The following TTC19 variants were observed in gnomAD, a reference collection of about 807,000 sequenced individuals.
TTC19 encodes tetratricopeptide repeat protein 19, mitochondrial.
Under a neutral mutation model 49.5 loss-of-function variants are expected in TTC19, and 38 were observed. The ratio of observed to expected loss-of-function variants is 0.77; its 90% CI spans 0.59 to 1.01. The LOEUF (loss-of-function observed/expected upper bound fraction) is 1.01. TTC19 is among the 50% of genes least tolerant of loss of function. The probability of loss-of-function intolerance (pLI) is 0.00; values close to 1 mark genes in which losing one functional copy is unlikely to be tolerated. For missense variants in TTC19, 475 were observed against 477.7 expected (o/e 0.99, Z 0.05); for synonymous variants, 204 against 185.2 (o/e 1.10, Z -0.83).
intron 7 of TTC19, among the ~76,000 whole-genome samples, chr17:16,008,619 C>T (rs73978594): frequency 0.047 from 7,085 of 152,218 alleles, 181 homozygotes; most frequent in African/African-American, 0.08. Context: ...CCTGGGCCCA[C>T]CCACCTCTTC....
At chr17:16,043,441 A>C (rs2058098702) in intron 2 of TTC19, among the ~76,000 whole-genome samples, 1 of 152,232 alleles carries the variant, frequency 6.6e-6, no homozygotes, top group South Asian at 2.1e-4. Context: ...CAATTCTGTT[A>C]GTACTTCCCT....
At chr17:16,024,888 T>TCA in intron 7 of TTC19, 129 bp from the exon 8 acceptor site, 1 of 841,208 alleles carries the variant, frequency 1.2e-6, no homozygotes, top group Non-Finnish European at 2.0e-6. Context: ...CTGGAATAGG[T>TCA]CATTTAACTG....
Position 15,999,927 on chromosome 17 carries a change from C to T in TTC19, c.79C>T (p.Arg27Cys), listed in dbSNP as rs1208349039. 8 of 1,342,054 alleles carry T rather than the reference C, an allele frequency of 6.0e-6. No homozygotes were observed. In the African/African-American group the frequency reaches 6.2e-5, roughly 10 times the overall value. 83.1% of individuals were successfully genotyped at this position (1,342,054 alleles called of 1,614,324 possible). A position where few individuals can be genotyped will look rare whatever the true frequency, so the allele number is the denominator to read the frequency against. The change falls in exon 1 of 10, where the codon CGC becomes TGC. Residue 27 changes from arginine to cysteine, a missense_variant. Transcript: ENST00000261647. ...GCGGCGGTGCCGGGGCTGCTCCGCG[C>T]GCCTGCTCCCGGGGCTGGCAGGAGG... ...AGRRCRGCSA[R>C]LLPGLAGGPG...
In TTC19 at chr17:16,027,990, TTCTTATAG is replaced by T. The variant is rs1158288036; in HGVS notation, c.*472_*479del. The stretch of plus-strand genomic sequence containing the variant: ...AAAGGGGGATTATGGTGAATTGTTG[TTCTTATAG>T]TCTGTTTCATGAAGCACAAGTGGAA... On this transcript the variant is annotated 3_prime_UTR_variant, in exon 10 of 10. Transcript: ENST00000261647. 2.2e-6 allele frequency: 1 copy of T among 454,166 alleles called. No individual in the cohort carries two copies. Among genetic ancestry groups the T allele is most frequent in the Non-Finnish European group, 4.4e-6 (1 of 226,912 alleles). The allele number at this position is 454,166 out of a possible 1,614,324, so 28.1% of individuals were successfully genotyped here.
At chr17:16,009,500 CT>C (rs75121828) in intron 7 of TTC19, among the ~76,000 whole-genome samples, 5 of 151,284 alleles carry the variant, frequency 3.3e-5, no homozygotes, top group Non-Finnish European at 5.9e-5. Context: ...TATGAAAACA[CT>C]TTTTTTTTCC....
At chr17:16,000,917 T>C (rs1309467915) in intron 2 of TTC19, among the ~76,000 whole-genome samples, 2 of 152,218 alleles carry the variant, frequency 1.3e-5, no homozygotes, top group African/African-American at 4.8e-5. Flanking sequence ...AACCTCATAG[T>C]CATTCTTAAA....
chr17:16,035,318 CTTCT>C (rs1360157286), intron 2 of TTC19, among the ~76,000 whole-genome samples: 1 of 152,088 alleles, frequency 6.6e-6, no homozygotes, highest in Non-Finnish European at 1.5e-5. Flanking sequence ...CCCTCAAACC[CTTCT>C]TTATTAACTG....
chr17:16,018,916 A>G (rs932686092), intron 7 of TTC19, among the ~76,000 whole-genome samples: 8 of 152,214 alleles, frequency 5.3e-5, no homozygotes, highest in African/African-American at 1.7e-4. Flanking sequence ...ATATTTTACC[A>G]TATTTGCTTT....
downstream of TTC19, chr17:16,030,909 A>C (rs1308471752): frequency 5.2e-6 from 1 of 193,868 alleles, no homozygotes; most frequent in African/African-American, 2.3e-5. Flanking sequence ...AAGTCTGTAA[A>C]GTGCTAATTT....
At chr17:16,027,352 C>A in intron 9 of TTC19, 22 bp from the exon 10 acceptor site, 1 of 1,613,412 alleles carries the variant, frequency 6.2e-7, no homozygotes, top group South Asian at 1.1e-5. Context: ...TCTTACTGTC[C>A]CTTCTCTCTG....
At chr17:16,038,538 G>C (rs1401495981) in intron 2 of TTC19, among the ~76,000 whole-genome samples, 1 of 151,898 alleles carries the variant, frequency 6.6e-6, no homozygotes, top group South Asian at 2.1e-4. Flanking sequence ...CTGGGCTCAA[G>C]TGATCTTCCC....
intron 4 of TTC19, 57 bp downstream of exon 4, chr17:16,002,888 T>C: frequency 1.3e-6 from 2 of 1,510,780 alleles, no homozygotes; most frequent in South Asian, 2.2e-5. Flanking sequence ...TCAAGGGAAC[T>C]GTAATAGTAA....
intron 7 of TTC19, among the ~76,000 whole-genome samples, chr17:16,018,214 A>G (rs1255989582): frequency 6.6e-6 from 1 of 151,744 alleles, no homozygotes; most frequent in Non-Finnish European, 1.5e-5. Context: ...AAATGAGCAT[A>G]AGGTTAGGGA....
chr17:16,030,265 C>G (rs114918758), downstream of TTC19: 3,060 of 227,754 alleles, frequency 0.013, 89 homozygotes, highest in African/African-American at 0.063. Flanking sequence ...GTTGAATAGG[C>G]TGAGGATGAG....
Position 16,004,263 on chromosome 17 carries a change from G to GT in TTC19, c.581+2dup. 6.2e-7 allele frequency: 1 copy of GT among 1,613,982 alleles called. No homozygotes were observed. Among genetic ancestry groups the GT allele is most frequent in the East Asian group, 2.2e-5 (1 of 44,888 alleles). On this transcript the variant is annotated splice_donor_variant, in intron 6 of 9. Coordinates refer to ENST00000261647, the MANE Select transcript of TTC19 (RefSeq NM_017775.4). LOFTEE classifies it high-confidence loss of function. ...CCAGTATCTATGCTGCGCAGAACAG[G>GT]TAAGTACAGCAGCCAGGGAGTAGGA...
intron 7 of TTC19, among the ~76,000 whole-genome samples, chr17:16,009,314 C>T (rs1311262043): frequency 6.6e-6 from 1 of 152,172 alleles, no homozygotes; most frequent in African/African-American, 2.4e-5. Context: ...TACCAGTAAA[C>T]ACTGAAGAAA....
intron 5 of TTC19, 86 bp downstream of exon 5, chr17:16,003,973 C>A (rs1970819246): frequency 3.5e-6 from 5 of 1,437,310 alleles, no homozygotes; most frequent in Non-Finnish European, 4.9e-6. Flanking sequence ...AGCCCCACCA[C>A]ATGCTTTGGT....
chr17:16,002,385 C>T (rs146203615), intron 3 of TTC19, among the ~76,000 whole-genome samples: 1,983 of 152,180 alleles, frequency 0.013, 33 homozygotes, highest in Non-Finnish European at 0.017. Context: ...CCATATTGGC[C>T]AGGCTGGTCT....
intron 7 of TTC19, chr17:16,024,717 TTGAC>T (rs1201933833): frequency 2.5e-6 from 1 of 398,340 alleles, no homozygotes; most frequent in African/African-American, 2.1e-5. Context: ...TTCATTGGCC[TTGAC>T]TTTTTGTTGT....
Sources: allele counts gnomAD v4.1 joint callset (sites outside exome capture counted in the v4.1 genomes callset), GRCh38; gene constraint gnomAD v4.1.1; transcripts MANE v1.5; gene names NCBI Gene and HGNC (gene_info 2026-07-23, HGNC 2026-07-21).